Variants in ZSCAN4 observed in about 807,000 individuals in gnomAD.
ZSCAN4 encodes the protein zinc finger and SCAN domain containing 4.
A neutral mutation model predicts 18.3 loss-of-function variants in ZSCAN4; 18 were observed. That is an observed-to-expected ratio of 0.98 (90% CI 0.68 to 1.46). The LOEUF is 1.46. Ranked by LOEUF, ZSCAN4 falls within the 40% of genes most tolerant of loss-of-function variation. The pLI, the probability that ZSCAN4 is intolerant of heterozygous loss-of-function variation, is 0.00. For synonymous variants in ZSCAN4, 193 were observed against 180.3 expected (o/e 1.07, Z -0.57); for missense variants, 498 against 511.4 (o/e 0.97, Z 0.25).
chr19:57,671,326 C>T (rs995826869), intron 2 of ZSCAN4, among the ~76,000 whole-genome samples: 3 of 152,024 alleles, frequency 2.0e-5, no homozygotes, highest in African/African-American at 7.2e-5. Flanking sequence ...TTTGAATTCC[C>T]AGGTTCTGGG....
At chr19:57,671,015 C>A (rs1202881272) in intron 2 of ZSCAN4, among the ~76,000 whole-genome samples, 1 of 152,030 alleles carries the variant, frequency 6.6e-6, no homozygotes, top group Admixed American at 6.6e-5. Flanking sequence ...GCGCACACCA[C>A]CACACCAGGT....
the ZSCAN4 span, among the ~76,000 whole-genome samples, chr19:57,654,637 C>G: frequency 6.6e-6 from 1 of 152,116 alleles, no homozygotes; most frequent in African/African-American, 2.4e-5. Flanking sequence ...TATTTATTAA[C>G]CAGGCAGTGG....
At chr19:57,663,199 G>A in the ZSCAN4 span, among the ~76,000 whole-genome samples, 95 of 151,214 alleles carry the variant, frequency 6.3e-4, 1 homozygote, top group East Asian at 0.015. Flanking sequence ...CACCGCACCC[G>A]GGATTGTTAT....
chr19:57,676,246 A>G, exon 3 of ZSCAN4: 1 of 1,614,198 alleles, frequency 6.2e-7, no homozygotes, highest in Non-Finnish European at 8.5e-7. Flanking sequence ...CCTGCTGTTC[A>G]GAGAGAAGAA....
intron 3 of ZSCAN4, 68 bp downstream of exon 3, chr19:57,676,609 A>G: frequency 6.6e-7 from 1 of 1,514,670 alleles, no homozygotes; most frequent in Non-Finnish European, 8.9e-7. Flanking sequence ...ACAGTCAGTT[A>G]GAGTTGTCTG....
At chr19:57,670,431 C>A (rs1002579740) in exon 2 of ZSCAN4, 1 of 152,092 alleles carries the variant, frequency 6.6e-6, no homozygotes, top group Non-Finnish European at 1.5e-5. Context: ...TATCCAATCA[C>A]GTCTTTAAAT....
chr19:57,669,583 C>T (rs745817739), intron 1 of ZSCAN4, among the ~76,000 whole-genome samples: 3 of 152,014 alleles, frequency 2.0e-5, no homozygotes, highest in Non-Finnish European at 4.4e-5. Context: ...CGCGCCACTA[C>T]GCCTGGCTAA....
exon 5 of ZSCAN4, chr19:57,678,786 C>T (rs1984273914): frequency 6.2e-7 from 1 of 1,614,128 alleles, no homozygotes; most frequent in Non-Finnish European, 8.5e-7. Context: ...AGGAGAAAAG[C>T]CTTATACATG....
exon 5 of ZSCAN4, chr19:57,678,674 G>A (rs146218607): frequency 9.7e-5 from 157 of 1,614,140 alleles, no homozygotes; most frequent in Non-Finnish European, 1.2e-4. Flanking sequence ...ACCTACGGGT[G>A]CATCAGATAA....
intron 2 of ZSCAN4, among the ~76,000 whole-genome samples, chr19:57,673,456 C>T (rs1357550154): frequency 6.6e-6 from 1 of 152,052 alleles, no homozygotes; most frequent in Admixed American, 6.6e-5. Flanking sequence ...AATAGCGAGA[C>T]CAAGTCTCGA....
At chr19:57,653,276 A>C in the ZSCAN4 span, among the ~76,000 whole-genome samples, 2 of 151,762 alleles carry the variant, frequency 1.3e-5, no homozygotes, top group Non-Finnish European at 2.9e-5. Context: ...AATCCCAGCC[A>C]CTCAGGAGGC....
chr19:57,653,274 C>A, the ZSCAN4 span, among the ~76,000 whole-genome samples: 20 of 151,842 alleles, frequency 1.3e-4, no homozygotes, highest in African/African-American at 3.4e-4. Context: ...GTAATCCCAG[C>A]CACTCAGGAG....
In ZSCAN4 at chr19:57,672,326, C is replaced by T. The variant is rs558675277; in HGVS notation, c.-106+1759C>T. On this transcript the variant is annotated intron_variant, in intron 2 of 4. Transcript: ENST00000318203. ...CTAAGGAATGTATCCTTTCACAACA[C>T]AGTGGGTGTAGCTGGTAGTGGCCTT... Among the ~76,000 whole-genome samples the T allele has an allele frequency of 2.0e-5, 3 of 152,228 alleles. No individual in the cohort carries two copies. The South Asian group carries it at 6.2e-4, about 32-fold the overall frequency.
intron 2 of ZSCAN4, among the ~76,000 whole-genome samples, chr19:57,673,269 C>G (rs1035938047): frequency 1.3e-5 from 2 of 151,878 alleles, no homozygotes; most frequent in Non-Finnish European, 2.9e-5. Flanking sequence ...TCAAGTGATA[C>G]GCCTGTCTCG....
chr19:57,654,938 CAA>C, the ZSCAN4 span, among the ~76,000 whole-genome samples: 1 of 152,176 alleles, frequency 6.6e-6, no homozygotes, highest in Non-Finnish European at 1.5e-5. Context: ...CACCCTCCTC[CAA>C]TACATCAATA....
Position 57,676,419 on chromosome 19 carries a change from T to C in ZSCAN4, c.274T>C (p.Phe92Leu), listed in dbSNP as rs747175233. ...TATTTCTCTATTAGTCCTGGAGCAG[T>C]TTATGATTGGTGGCCACTGCAATGA... The change falls in exon 3 of 5, where the codon TTT becomes CTT. Residue 92 changes from phenylalanine (F) to leucine (L), a missense_variant. Coordinates refer to ENST00000318203, the Ensembl canonical transcript of ZSCAN4. 3.0e-5 allele frequency: 48 copies of C among 1,614,172 alleles called. No individual in the cohort carries two copies. The highest frequency in any genetic ancestry group is 4.0e-5 in the Non-Finnish European group (47 of 1,180,024).
chr19:57,678,319 A>T, exon 5 of ZSCAN4: 1 of 1,614,162 alleles, frequency 6.2e-7, no homozygotes, highest in Non-Finnish European at 8.5e-7. Context: ...TCTTCTGACA[A>T]CCCATACAAC....
intron 2 of ZSCAN4, among the ~76,000 whole-genome samples, chr19:57,673,547 G>T: frequency 6.6e-6 from 1 of 152,002 alleles, no homozygotes; most frequent in Middle Eastern, 3.2e-3. Flanking sequence ...CAGGAGGATC[G>T]CTTGAACCCA....
the ZSCAN4 span, among the ~76,000 whole-genome samples, chr19:57,661,696 A>G: frequency 6.6e-6 from 1 of 152,244 alleles, no homozygotes; most frequent in African/African-American, 2.4e-5. Flanking sequence ...ATTGAGGTAA[A>G]AGTGAGTGAT....
Sources: gnomAD v4.1 joint callset for allele counts (sites outside exome capture counted in the v4.1 genomes callset) on GRCh38, gnomAD v4.1.1 for gene constraint, MANE v1.5 for transcripts, NCBI Gene and HGNC (gene_info 2026-07-23, HGNC 2026-07-21) for gene names.